The following IQCM variants were observed in gnomAD, a reference collection of about 807,000 sequenced individuals.
IQCM encodes IQ domain-containing protein M.
Under a neutral mutation model 57.6 loss-of-function variants are expected in IQCM, and 45 were observed. The observed-to-expected ratio is 0.78, with a 90% confidence interval of 0.62 to 1.00. The LOEUF is 1.00. Ranked by LOEUF, IQCM falls within the 50% of genes least tolerant of loss-of-function variation. IQCM has a pLI of 0.00. For missense variants in IQCM, 468 were observed against 511.6 expected (o/e 0.91, Z 0.82); for synonymous variants, 148 against 158.9 (o/e 0.93, Z 0.51).
At chr4:149,520,588 TA>T (rs1274128102) in intron 12 of IQCM, among the ~76,000 whole-genome samples, 2 of 152,120 alleles carry the variant, frequency 1.3e-5, no homozygotes, top group Non-Finnish European at 2.9e-5. Context: ...TGAATAAAGT[TA>T]AAATGTACCA....
At chr4:149,653,463 A>G (rs1561110254) in intron 7 of IQCM, among the ~76,000 whole-genome samples, 2 of 151,858 alleles carry the variant, frequency 1.3e-5, no homozygotes, top group African/African-American at 4.8e-5. Flanking sequence ...TATAACATAT[A>G]TGTGTGTGTG....
chr4:149,672,741 G>C (rs907596458), intron 7 of IQCM, among the ~76,000 whole-genome samples: 1 of 152,130 alleles, frequency 6.6e-6, no homozygotes, highest in African/African-American at 2.4e-5. Context: ...AGCCTAGGAA[G>C]GCACGCCAAC....
intron 13 of IQCM, among the ~76,000 whole-genome samples, chr4:149,360,825 C>G (rs898439095): frequency 1.3e-5 from 2 of 152,042 alleles, no homozygotes; most frequent in African/African-American, 4.8e-5. Flanking sequence ...TAAATTGGTA[C>G]CAGCAGAGTG....
intron 9 of IQCM, among the ~76,000 whole-genome samples, chr4:149,566,711 T>G (rs115093008): frequency 1.9e-3 from 289 of 152,294 alleles, no homozygotes; most frequent in African/African-American, 3.9e-3. Flanking sequence ...TCATAACAAT[T>G]GAAAAGAAAT....
chr4:149,549,872 C>T (rs982222993), intron 11 of IQCM, among the ~76,000 whole-genome samples: 1 of 152,152 alleles, frequency 6.6e-6, no homozygotes, highest in African/African-American at 2.4e-5. Context: ...AGATTCAAGA[C>T]ATATTTAGTG....
chr4:149,366,937 A>G (rs1729885690), intron 13 of IQCM, among the ~76,000 whole-genome samples: 1 of 152,054 alleles, frequency 6.6e-6, no homozygotes, highest in Admixed American at 6.6e-5. Flanking sequence ...GATTTGAAAA[A>G]CTAATAATGA....
chr4:149,591,415 C>T (rs774101241), intron 8 of IQCM, among the ~76,000 whole-genome samples: 1 of 151,626 alleles, frequency 6.6e-6, no homozygotes, highest in East Asian at 1.9e-4. Flanking sequence ...TTATAATTGG[C>T]CTATTATGCC....
chr4:149,627,553 T>C (rs1292749270), intron 7 of IQCM, among the ~76,000 whole-genome samples: 1 of 152,166 alleles, frequency 6.6e-6, no homozygotes, highest in Non-Finnish European at 1.5e-5. Context: ...ATGAGGCAGA[T>C]GTTCCATTTA....
Position 149,360,555 on chromosome 4 carries a change from G to A in IQCM, c.1391-8489C>T, listed in dbSNP as rs918698493. 6.6e-5 allele frequency among the ~76,000 whole-genome samples: 10 copies of A among 152,222 alleles called. No individual in the cohort carries two copies. The East Asian group carries it at 1.9e-3, about 29-fold the overall frequency. On this transcript the variant is annotated intron_variant, in intron 13 of 13. Coordinates refer to ENST00000636793, the MANE Select transcript of IQCM (RefSeq NM_001363507.2). ...CCAGAATTCCCAAGTGTTGTGGGAG[G>A]GACCCAGGGGGAGGTAACTGAATCA...
intron 5 of IQCM, among the ~76,000 whole-genome samples, chr4:149,705,768 G>A (rs919822040): frequency 3.3e-5 from 5 of 151,952 alleles, no homozygotes; most frequent in South Asian, 4.1e-4. Context: ...AAAAATAATT[G>A]TTGGGTTATG....
chr4:149,642,955 T>C (rs149305557), intron 7 of IQCM, among the ~76,000 whole-genome samples: 1 of 152,290 alleles, frequency 6.6e-6, no homozygotes, highest in East Asian at 1.9e-4. Flanking sequence ...GTTTACATTC[T>C]AAGACATTTA....
At chr4:149,791,846 T>C (rs1328820798) in intron 2 of IQCM, among the ~76,000 whole-genome samples, 1 of 152,172 alleles carries the variant, frequency 6.6e-6, no homozygotes, top group African/African-American at 2.4e-5. Flanking sequence ...AAACAGTACA[T>C]ATTTAAGCTA....
At chr4:149,680,928 A>G (rs953759656) in intron 7 of IQCM, among the ~76,000 whole-genome samples, 3 of 151,382 alleles carry the variant, frequency 2.0e-5, no homozygotes. Context: ...ATGAATTTCA[A>G]CATCCAAACT....
At chr4:149,630,783 A>C (rs1293375907) in intron 7 of IQCM, among the ~76,000 whole-genome samples, 1 of 152,196 alleles carries the variant, frequency 6.6e-6, no homozygotes, top group Non-Finnish European at 1.5e-5. Flanking sequence ...TCCTAAGAAA[A>C]TTATCTGAAA....
At chr4:149,596,513 A>G (rs1753797861) in intron 8 of IQCM, among the ~76,000 whole-genome samples, 2 of 152,118 alleles carry the variant, frequency 1.3e-5, no homozygotes, top group Admixed American at 1.3e-4. Context: ...CAGAGTACCA[A>G]GGAAAGTCAA....
intron 7 of IQCM, among the ~76,000 whole-genome samples, chr4:149,669,052 A>C (rs959774863): frequency 6.6e-6 from 1 of 151,932 alleles, no homozygotes; most frequent in Non-Finnish European, 1.5e-5. Flanking sequence ...AACTGATAGA[A>C]GATGTCTTCC....
intron 12 of IQCM, among the ~76,000 whole-genome samples, chr4:149,505,414 C>T (rs1416646122): frequency 6.6e-6 from 1 of 152,044 alleles, no homozygotes; most frequent in African/African-American, 2.4e-5. Flanking sequence ...ATATATGTTA[C>T]CAAATTAAAG....
chr4:149,762,947 A>C (rs1273561339), intron 2 of IQCM, among the ~76,000 whole-genome samples: 1 of 152,054 alleles, frequency 6.6e-6, no homozygotes, highest in Non-Finnish European at 1.5e-5. Context: ...TGAGGTGCAC[A>C]CATCCTCATG....
chr4:149,749,293 AC>A (rs1768212716), intron 2 of IQCM, among the ~76,000 whole-genome samples: 1 of 152,218 alleles, frequency 6.6e-6, no homozygotes, highest in Non-Finnish European at 1.5e-5. Context: ...ACTAGAAGCA[AC>A]CCAAATGTCC....
Sources: gnomAD v4.1 joint callset for allele counts (sites outside exome capture counted in the v4.1 genomes callset) on GRCh38, gnomAD v4.1.1 for gene constraint, MANE v1.5 for transcripts, NCBI Gene and HGNC (gene_info 2026-07-23, HGNC 2026-07-21) for gene names.